The following WNT2B variants were observed in gnomAD, a reference collection of about 807,000 sequenced individuals.
The protein encoded by WNT2B is protein Wnt-2b.
In WNT2B, 19 loss-of-function variants were observed where a neutral mutation model predicts 40.5. That is an observed-to-expected ratio of 0.47 (90% CI 0.33 to 0.69). WNT2B has a LOEUF of 0.69. WNT2B is among the 30% of genes least tolerant of loss of function. The pLI, the probability that WNT2B is intolerant of heterozygous loss-of-function variation, is 0.02. For missense variants in WNT2B, 467 were observed against 556.4 expected (o/e 0.84, Z 1.62); for synonymous variants, 220 against 211.9 (o/e 1.04, Z -0.33).
Position 112,528,988 on chromosome 1 carries a change from A to C in WNT2B, c.*8479A>C, listed in dbSNP as rs1653918559. The stretch of plus-strand genomic sequence containing the variant: ...GGTGTCTATTTTCCTGCATTTGCTA[A>C]AGGTAAAAATCGCTACTTATGGGGC... On this transcript the variant is annotated 3_prime_UTR_variant, in exon 5 of 5. Coordinates refer to ENST00000369684, the MANE Select transcript of WNT2B (RefSeq NM_024494.3). 1 of 152,202 alleles carries C rather than the reference A, an allele frequency of 6.6e-6. No individual in the cohort carries two copies. The highest frequency in any genetic ancestry group is 2.1e-4 in the South Asian group (1 of 4,834). 9.4% of individuals were successfully genotyped at this position (152,202 alleles called of 1,614,324 possible). A position where few individuals can be genotyped will look rare whatever the true frequency, so the allele number is the denominator to read the frequency against.
intron 1 of WNT2B, among the ~76,000 whole-genome samples, chr1:112,473,724 A>C (rs1650962919): frequency 6.6e-6 from 1 of 152,070 alleles, no homozygotes; most frequent in African/African-American, 2.4e-5. Context: ...AAAGCCAATA[A>C]ATATAAGCAT....
chr1:112,486,659 GAA>G (rs60065863), intron 1 of WNT2B, among the ~76,000 whole-genome samples: 5 of 146,046 alleles, frequency 3.4e-5, no homozygotes, highest in African/African-American at 9.9e-5. Context: ...AAGTTAATAA[GAA>G]AAAAAAAACC....
In WNT2B at chr1:112,524,017, CAAAAAACAA is replaced by C. The variant is rs1245779204; in HGVS notation, c.*3512_*3520del. On this transcript the variant is annotated 3_prime_UTR_variant, in exon 5 of 5. Transcript: ENST00000369684. ...TCAGATTAAAAAAAAAAACAAAAAA[CAAAAAACAA>C]AAACAAACATTGCCTGGCCCTGAGG... 3 of 151,384 alleles carry C rather than the reference CAAAAAACAA, an allele frequency of 2.0e-5. No individual in the cohort carries two copies. In the East Asian group the frequency reaches 5.8e-4, roughly 30 times the overall value. The allele number at this position is 151,384 out of a possible 1,614,324, so 9.4% of individuals were successfully genotyped here. A position where few individuals can be genotyped will look rare whatever the true frequency, so the allele number is the denominator to read the frequency against.
At chr1:112,483,810 T>TA (rs1275686243) in intron 1 of WNT2B, among the ~76,000 whole-genome samples, 2 of 149,216 alleles carry the variant, frequency 1.3e-5, no homozygotes, top group African/African-American at 4.9e-5. Flanking sequence ...AGAATAAATT[T>TA]AAAAAATAAA....
chr1:112,486,158 C>CACACACA (rs56037560), intron 1 of WNT2B, among the ~76,000 whole-genome samples: 2 of 151,182 alleles, frequency 1.3e-5, no homozygotes, highest in Non-Finnish European at 3.0e-5. Flanking sequence ...CACACACACA[C>CACACACA]CAGGCTGGGT....
At position 112,517,235 on chromosome 1, in the gene WNT2B, C is replaced by G; in HGVS notation, c.796C>G (p.Arg266Gly). The G allele has an allele frequency of 6.2e-7, 1 of 1,614,168 alleles. No homozygotes were observed. Among genetic ancestry groups the G allele is most frequent in the Non-Finnish European group, 8.5e-7 (1 of 1,180,034 alleles). ...SDFRRTGDYLRRRYDGAVQVM... is the reference protein window; with the variant it reads ...SDFRRTGDYLGRRYDGAVQVM... ...TTTCCGCCGCACAGGTGATTACCTG[C>G]GGCGACGCTATGATGGGGCTGTGCA... Residue 266 changes from arginine (R) to glycine (G), a missense_variant, in exon 4 of 5, where the codon CGG becomes GGG. Arg to Gly is a moderately radical substitution (Grantham distance 125). Around this residue, in one of 2 missense-constraint regions of WNT2B, gnomAD observed 330 missense variants for 438.6 expected, o/e 0.75. Coordinates refer to ENST00000369684, the MANE Select transcript of WNT2B (RefSeq NM_024494.3).
At chr1:112,484,957 G>A (rs1226156825) in intron 1 of WNT2B, among the ~76,000 whole-genome samples, 41 of 152,062 alleles carry the variant, frequency 2.7e-4, no homozygotes, top group Admixed American at 2.6e-3. Context: ...AAGACAATAT[G>A]GCTATGAATT....
At chr1:112,477,405 G>T (rs1167333823) in intron 1 of WNT2B, among the ~76,000 whole-genome samples, 1 of 152,168 alleles carries the variant, frequency 6.6e-6, no homozygotes, top group Non-Finnish European at 1.5e-5. Context: ...ATTGAAATGA[G>T]TCCATACAGT....
At chr1:112,484,854 A>C (rs1031620474) in intron 1 of WNT2B, among the ~76,000 whole-genome samples, 2 of 152,194 alleles carry the variant, frequency 1.3e-5, no homozygotes, top group Admixed American at 1.3e-4. Context: ...CTGACAGGAG[A>C]TGTGCAAGAC....
In WNT2B at chr1:112,509,221, C is replaced by T; in HGVS notation, c.-42C>T. The T allele has an allele frequency of 6.8e-7, 1 of 1,474,030 alleles. No individual in the cohort carries two copies. The highest frequency in any genetic ancestry group is 2.4e-4 in the Middle Eastern group (1 of 4,138). The allele number at this position is 1,474,030 out of a possible 1,614,324, so 91.3% of individuals were successfully genotyped here. On this transcript the variant is annotated 5_prime_UTR_variant, in exon 1 of 5. Transcript: ENST00000369684. This position sits in a 1 kb window ranked among gnomAD's most constrained non-coding sequence, Gnocchi z 4.2. ...TGAGTACCCCCAGAAGGTGCCCCGT[C>T]CACGCCCCTCCGGGCTGCGCGGCGG...
Position 112,509,401 on chromosome 1 carries a change from CT to C in WNT2B, c.140del (p.Leu47ArgfsTer4). 2.5e-6 allele frequency: 4 copies of C among 1,593,104 alleles called. No individual in the cohort carries two copies. Among genetic ancestry groups the C allele is most frequent in the Non-Finnish European group, 3.4e-6 (4 of 1,175,892 alleles). The part of the protein sequence containing the change: ...ARLGLACLLL[L>X]LLLTLPARVD... ...CCTAGGTCTTGCCTGCCTTCTGCTC[CT>C]GCTGCTGCTGACGCTGCCGGCCCGC... On this transcript the variant is annotated frameshift_variant, in exon 1 of 5. Coordinates refer to ENST00000369684, the MANE Select transcript of WNT2B (RefSeq NM_024494.3). LOFTEE classifies it high-confidence loss of function. This position sits in a 1 kb window ranked among gnomAD's most constrained non-coding sequence, Gnocchi z 4.2.
At chr1:112,511,536 TGTG>T (rs1427874350) in intron 1 of WNT2B, among the ~76,000 whole-genome samples, 2 of 152,246 alleles carry the variant, frequency 1.3e-5, no homozygotes, top group Admixed American at 1.3e-4. Context: ...TTGACTCTGG[TGTG>T]TCCATGTTCC....
Position 112,530,034 on chromosome 1 carries a change from G to A in WNT2B, c.*9525G>A, listed in dbSNP as rs1396074875. The A allele has an allele frequency of 6.6e-6, 1 of 152,140 alleles. No homozygotes were observed. The highest frequency in any genetic ancestry group is 2.4e-5 in the African/African-American group (1 of 41,422). 9.4% of individuals were successfully genotyped at this position (152,140 alleles called of 1,614,324 possible). The stretch of plus-strand genomic sequence containing the variant: ...CATCATGCAACTAACTTACTATCTG[G>A]AGATGTGTATTTTGTTAACCTAGGC... On this transcript the variant is annotated 3_prime_UTR_variant, in exon 5 of 5. Transcript: ENST00000369684.
chr1:112,496,310 AT>A (rs1282935205), intron 1 of WNT2B, among the ~76,000 whole-genome samples: 1 of 152,160 alleles, frequency 6.6e-6, no homozygotes, highest in Non-Finnish European at 1.5e-5. Context: ...GAAGGTACAC[AT>A]TCAAATTTTA....
chr1:112,512,077 A>C (rs1202272231), intron 1 of WNT2B, among the ~76,000 whole-genome samples: 4 of 152,082 alleles, frequency 2.6e-5, no homozygotes, highest in African/African-American at 9.7e-5. Context: ...AAAGGAGGAA[A>C]GAAAAAAAAA....
chr1:112,500,985 T>C (rs960354861), intron 1 of WNT2B, among the ~76,000 whole-genome samples: 34 of 152,326 alleles, frequency 2.2e-4, no homozygotes, highest in African/African-American at 7.7e-4. Flanking sequence ...CCTCAGTTTT[T>C]CCCCAGTGTC....
intron 1 of WNT2B, among the ~76,000 whole-genome samples, chr1:112,479,827 C>T (rs2101054631): frequency 6.6e-6 from 1 of 152,028 alleles, no homozygotes; most frequent in South Asian, 2.1e-4. Context: ...TCTCCTGCCT[C>T]AGCCTCCCAA....
chr1:112,504,984 A>T (rs1300772326), upstream of WNT2B, among the ~76,000 whole-genome samples: 8 of 152,228 alleles, frequency 5.3e-5, no homozygotes, highest in African/African-American at 1.9e-4. Flanking sequence ...GCAAAAATTC[A>T]AAATCATTCA....
chr1:112,500,022 G>GA (rs977093345), intron 1 of WNT2B, among the ~76,000 whole-genome samples: 6 of 152,110 alleles, frequency 3.9e-5, no homozygotes, highest in Non-Finnish European at 8.8e-5. Context: ...AGATGGTTGG[G>GA]AAAAAAGCGA....
Sources: gnomAD v4.1 joint callset for allele counts (sites outside exome capture counted in the v4.1 genomes callset) on GRCh38, gnomAD v4.1.1 for gene constraint, gnomAD v4.1.1 regional missense constraint, Gnocchi (gnomAD v3.1) non-coding constraint, MANE v1.5 for transcripts, NCBI Gene and HGNC (gene_info 2026-07-23, HGNC 2026-07-21) for gene names.